Variants in RCL1 observed in about 807,000 individuals in gnomAD.
RCL1 encodes RNA 3'-terminal phosphate cyclase-like protein.
A neutral mutation model predicts 42.4 loss-of-function variants in RCL1; 24 were observed. The observed-to-expected ratio is 0.57, with a 90% CI of 0.41 to 0.80. The LOEUF is 0.80. Among genes scored for constraint, RCL1 ranks in the 30% least tolerant of loss-of-function variants. The pLI, the probability that RCL1 is intolerant of heterozygous loss-of-function variation, is 0.00. For synonymous variants in RCL1, 228 were observed against 177.3 expected, an observed-to-expected ratio of 1.29 and a Z score of -2.27; for missense variants, 578 against 467.9, an observed-to-expected ratio of 1.24 and a Z score of -2.17.
intron 7 of RCL1, 37 bp downstream of exon 7, chr9:4,844,718 G>A: frequency 6.3e-7 from 1 of 1,583,590 alleles, no homozygotes; most frequent in Non-Finnish European, 8.6e-7. Context: ...GGAGTGACCA[G>A]GAAGCAGTTT....
rs1348335330 is a variant in RCL1 at position 4,841,308 on chromosome 9, C to T, written c.661C>T (p.Pro221Ser). 2 of 1,612,876 alleles carry T rather than the reference C, an allele frequency of 1.2e-6. No individual in the cohort carries two copies. Among genetic ancestry groups the T allele is most frequent in the Non-Finnish European group, 8.5e-7 (1 of 1,178,872 alleles). Residue 221 changes from proline (P) to serine (S), a missense_variant, in exon 6 of 9, where the codon CCT becomes TCT. Pro to Ser is a moderately conservative substitution (Grantham distance 74). Transcript: ENST00000381750. Reference sequence around the variant, plus strand: ...AAGGAGCATCCTCAACAAGTTCATACCTGATATCTATATTTACACAGATCA... The same window carrying T: ...AAGGAGCATCCTCAACAAGTTCATATCTGATATCTATATTTACACAGATCA... Reference protein sequence around the residue: ...SARSILNKFIPDIYIYTDHMK... With the variant: ...SARSILNKFISDIYIYTDHMK...
chr9:4,839,260 C>T (rs1563849927), intron 5 of RCL1, among the ~76,000 whole-genome samples: 1 of 152,110 alleles, frequency 6.6e-6, no homozygotes, highest in Non-Finnish European at 1.5e-5. Flanking sequence ...TGTTAACCTT[C>T]GTGTTTTTGT....
At chr9:4,823,511 GTCTTC>G in intron 1 of RCL1, 32 bp from the exon 2 acceptor site, 2 of 1,530,848 alleles carry the variant, frequency 1.3e-6, no homozygotes, top group Non-Finnish European at 1.8e-6. Flanking sequence ...AGGACAGTCT[GTCTTC>G]TCTTTTCTTC....
intron 8 of RCL1, among the ~76,000 whole-genome samples, chr9:4,854,678 T>C (rs13292548): frequency 0.33 from 49,841 of 151,948 alleles, 8,431 homozygotes; most frequent in South Asian, 0.46. Flanking sequence ...TCCTGGTCAG[T>C]TGGGATTCAA....
chr9:4,800,308 G>C (rs1038423049), intron 1 of RCL1, among the ~76,000 whole-genome samples: 9 of 151,916 alleles, frequency 5.9e-5, no homozygotes, highest in South Asian at 4.2e-4. Context: ...TCCCACTCCC[G>C]GGTTCAGGCG....
intron 6 of RCL1, among the ~76,000 whole-genome samples, chr9:4,841,849 A>C (rs1039203158): frequency 3.3e-5 from 5 of 152,242 alleles, no homozygotes; most frequent in African/African-American, 1.2e-4. Flanking sequence ...AAAAAATAAA[A>C]ATTTTAAAAA....
At chr9:4,833,063 T>A in intron 3 of RCL1, 91 bp from the exon 4 acceptor site, 1 of 831,564 alleles carries the variant, frequency 1.2e-6, no homozygotes, top group Non-Finnish European at 2.1e-6. Flanking sequence ...CTGCATCATC[T>A]ACCTGGTTGC....
intron 2 of RCL1, among the ~76,000 whole-genome samples, chr9:4,826,574 T>G (rs1426224188): frequency 6.6e-6 from 1 of 152,200 alleles, no homozygotes; most frequent in Non-Finnish European, 1.5e-5. Flanking sequence ...CTTATTAGGA[T>G]CTCTTTTCTG....
chr9:4,842,610 C>T (rs1365192347), intron 6 of RCL1, among the ~76,000 whole-genome samples: 3 of 152,124 alleles, frequency 2.0e-5, no homozygotes, highest in South Asian at 2.1e-4. Flanking sequence ...GTGATGATGC[C>T]TATGTTTTGG....
chr9:4,819,081 T>G (rs1295761669), intron 1 of RCL1, among the ~76,000 whole-genome samples: 1 of 152,214 alleles, frequency 6.6e-6, no homozygotes, highest in Non-Finnish European at 1.5e-5. Context: ...AATTTAAATT[T>G]TGTGTATTTT....
chr9:4,831,310 C>T (rs1240059274), intron 3 of RCL1, among the ~76,000 whole-genome samples: 1 of 148,856 alleles, frequency 6.7e-6, no homozygotes, highest in Non-Finnish European at 1.5e-5. Flanking sequence ...TGTTTTTTCA[C>T]CTTTTTTTCC....
At chr9:4,819,244 A>G (rs1005651334) in intron 1 of RCL1, among the ~76,000 whole-genome samples, 5 of 152,226 alleles carry the variant, frequency 3.3e-5, no homozygotes, top group African/African-American at 9.6e-5. Flanking sequence ...ACACGGAGCC[A>G]GCAGCCTCGA....
intron 5 of RCL1, chr9:4,839,753 A>G (rs1178279624): frequency 4.1e-6 from 4 of 973,134 alleles, no homozygotes; most frequent in South Asian, 9.5e-5. Flanking sequence ...AAAGTGGTGT[A>G]TTGGAGAGTT....
At chr9:4,852,267 T>G (rs1817780291) in intron 8 of RCL1, among the ~76,000 whole-genome samples, 2 of 152,218 alleles carry the variant, frequency 1.3e-5, no homozygotes, top group South Asian at 4.1e-4. Context: ...ATGAAGATTC[T>G]ATTTCTGTTA....
At chr9:4,814,008 G>T (rs1158006764) in intron 1 of RCL1, among the ~76,000 whole-genome samples, 1 of 152,124 alleles carries the variant, frequency 6.6e-6, no homozygotes, top group Admixed American at 6.5e-5. Flanking sequence ...TGGACACAGA[G>T]TGGGGAACTT....
chr9:4,823,632 T>G lies in RCL1; in HGVS notation c.208+13T>G, dbSNP rs1273880269. On this transcript the variant is annotated intron_variant, in intron 2 of 8. Coordinates refer to ENST00000381750, the MANE Select transcript of RCL1 (RefSeq NM_005772.5). ...ATAAACCAAACAGGTAAGCTCCTTT[T>G]AGATTCCTAAAAGCACCTCCATGCA... 6.3e-7 allele frequency: 1 copy of G among 1,596,646 alleles called. No individual in the cohort carries two copies. Among genetic ancestry groups the G allele is most frequent in the African/African-American group, 1.4e-5 (1 of 73,832 alleles).
chr9:4,796,365 G>A (rs1842914003), intron 1 of RCL1, among the ~76,000 whole-genome samples: 1 of 152,098 alleles, frequency 6.6e-6, no homozygotes, highest in African/African-American at 2.4e-5. Context: ...AGTTCTCTTA[G>A]GATAATGGCC....
intron 1 of RCL1, among the ~76,000 whole-genome samples, chr9:4,813,841 T>C (rs1032004253): frequency 6.6e-6 from 1 of 152,178 alleles, no homozygotes; most frequent in African/African-American, 2.4e-5. Flanking sequence ...ATATACACCA[T>C]GGAATACTGT....
At chr9:4,808,537 G>A (rs998861537) in intron 1 of RCL1, among the ~76,000 whole-genome samples, 5 of 152,126 alleles carry the variant, frequency 3.3e-5, no homozygotes, top group African/African-American at 1.2e-4. Context: ...CGGATCTCCT[G>A]AGCTCAAGTG....
Sources: allele counts gnomAD v4.1 joint callset (sites outside exome capture counted in the v4.1 genomes callset), GRCh38; gene constraint gnomAD v4.1.1; transcripts MANE v1.5; gene names NCBI Gene and HGNC (gene_info 2026-07-23, HGNC 2026-07-21).